Variants in DCN observed in about 807,000 individuals in gnomAD.
DCN encodes the protein bone proteoglycan II.
Under a neutral mutation model 36.5 loss-of-function variants are expected in DCN, and 17 were observed. That is an observed-to-expected ratio of 0.47 (90% CI 0.32 to 0.70). The LOEUF is 0.70. Among genes scored for constraint, DCN ranks in the 30% least tolerant of loss-of-function variants. The pLI, the probability that DCN is intolerant of heterozygous loss-of-function variation, is 0.04. For missense variants in DCN, 389 were observed against 430.1 expected (o/e 0.90, Z 0.84); for synonymous variants, 163 against 161.4 (o/e 1.01, Z -0.07).
At chr12:91,157,305 A>G (rs1881851057) in intron 4 of DCN, 117 bp from the exon 5 acceptor site, 3 of 763,850 alleles carry the variant, frequency 3.9e-6, no homozygotes, top group East Asian at 2.5e-5. Flanking sequence ...CAACTTGACT[A>G]AAAAACAAAA....
intron 6 of DCN, 27 bp downstream of exon 6, chr12:91,153,069 T>G (rs752178431): frequency 2.5e-6 from 3 of 1,204,044 alleles, no homozygotes; most frequent in African/African-American, 1.5e-5. Context: ...ATTGTTCTGA[T>G]AGAATGTCAT....
At position 91,180,454 on chromosome 12, in the gene DCN, G is replaced by T. The variant is rs368850300; in HGVS notation, c.-33-1869C>A. The T allele has an allele frequency of 3.9e-5, 6 of 152,160 alleles. No individual in the cohort carries two copies. In the East Asian group the frequency reaches 1.2e-3, roughly 29 times the overall value. 9.4% of individuals were successfully genotyped at this position (152,160 alleles called of 1,614,324 possible). A position where few individuals can be genotyped will look rare whatever the true frequency, so the allele number is the denominator to read the frequency against. On this transcript the variant is annotated intron_variant, in intron 1 of 7. Transcript: ENST00000052754. ...GATCTTTGTATGATCTAACCTTAAGGTATCTTCTGGGAATTTTTGCCTAGA... is the reference window on the plus strand; with the variant it reads ...GATCTTTGTATGATCTAACCTTAAGTTATCTTCTGGGAATTTTTGCCTAGA...
At position 91,146,185 on chromosome 12, in the gene DCN, T is replaced by G; in HGVS notation, c.953A>C (p.Asn318Thr). Reference protein sequence around the residue: ...GSSDFCPPGHNTKKASYSGVS... With the variant: ...GSSDFCPPGHTTKKASYSGVS... The stretch of plus-strand genomic sequence containing the variant: ...ACCCGAATAAGAAGCCTTTTTGGTG[T>G]TGTGTCCAGGTGGGCAGAAGTCACT... Residue 318 changes from asparagine to threonine, a missense_variant, in exon 8 of 8, where the codon AAC becomes ACC. Transcript: ENST00000052754. 1 of 1,613,712 alleles carries G rather than the reference T, an allele frequency of 6.2e-7. No individual in the cohort carries two copies. The highest frequency in any genetic ancestry group is 8.5e-7 in the Non-Finnish European group (1 of 1,179,748).
chr12:91,180,099 T>A (rs1418145849), intron 1 of DCN: 1 of 152,140 alleles, frequency 6.6e-6, no homozygotes, highest in Admixed American at 6.6e-5. Context: ...AAATATTTTT[T>A]AAATTGCATT....
Position 91,151,763 on chromosome 12 carries a change from G to A in DCN, c.776C>T (p.Ala259Val). 2 of 1,614,064 alleles carry A rather than the reference G, an allele frequency of 1.2e-6. No homozygotes were observed. The highest frequency in any genetic ancestry group is 2.2e-5 in the South Asian group (2 of 91,076). Residue 259 changes from alanine (A) to valine (V), a missense_variant, in exon 7 of 8, where the codon GCT becomes GTT. Physicochemically the swap from Ala to Val is moderately conservative, Grantham distance 64. Coordinates refer to ENST00000052754, the MANE Select transcript of DCN (RefSeq NM_001920.5). ...GTTGGCCAGAGAGCCATTGTCAACA[G>A]CAGAGATGCTGTTGAAACTCAATCC... ...KLGLSFNSIS[A>V]VDNGSLANTP...
chr12:91,174,626 T>A (rs186159254), intron 2 of DCN, among the ~76,000 whole-genome samples: 3 of 152,234 alleles, frequency 2.0e-5, no homozygotes, highest in Admixed American at 2.0e-4. Context: ...AAATAAGATA[T>A]ATTTCCATTT....
chr12:91,164,655 T>C lies in DCN; in HGVS notation c.274A>G (p.Lys92Glu), dbSNP rs1882422766. The C allele has an allele frequency of 6.2e-7, 1 of 1,613,484 alleles. No homozygotes were observed. Among genetic ancestry groups the C allele is most frequent in the Non-Finnish European group, 8.5e-7 (1 of 1,179,450 alleles). Residue 92 changes from lysine to glutamate, a missense_variant, in exon 3 of 8, where the codon AAA becomes GAA. Coordinates refer to ENST00000052754, the MANE Select transcript of DCN (RefSeq NM_001920.5). ...TCTCCATCTTTGATTTCGGTTATTTTGTTGTTTTGCAGGTCTAGCAGAGTT... is the reference window on the plus strand; with the variant it reads ...TCTCCATCTTTGATTTCGGTTATTTCGTTGTTTTGCAGGTCTAGCAGAGTT... ...DTTLLDLQNN[K>E]ITEIKDGDFK...
In DCN at chr12:91,157,158, C is replaced by T. The variant is rs777073492; in HGVS notation, c.569G>A (p.Gly190Glu). The change falls in exon 5 of 8, where the codon GGA (glycine) becomes GAA (glutamate). Residue 190 changes from glycine to glutamate, a missense_variant. Physicochemically the swap from Gly to Glu is moderately conservative, Grantham distance 98. Transcript: ENST00000052754. ...TCCCTGGAAAGCCCCATTTTCAATT[C>T]CTGAGCTCTTCAGCGGATTGGTGCC... is the stretch of plus-strand genomic sequence containing the variant. ...ELGTNPLKSS[G>E]IENGAFQGMK... 1 of 1,613,882 alleles carries T rather than the reference C, an allele frequency of 6.2e-7. No individual in the cohort carries two copies. The highest frequency in any genetic ancestry group is 1.7e-5 in the Admixed American group (1 of 60,022).
intron 6 of DCN, 104 bp from the exon 7 acceptor site, chr12:91,151,896 T>G: frequency 7.5e-7 from 1 of 1,327,788 alleles, no homozygotes; most frequent in Non-Finnish European, 1.1e-6. Context: ...TTTTTGTTTT[T>G]GCACTTACTC....
chr12:91,170,510 C>T (rs532272680), intron 2 of DCN, among the ~76,000 whole-genome samples: 48 of 152,280 alleles, frequency 3.2e-4, no homozygotes, highest in Non-Finnish European at 5.0e-4. Context: ...AAGTTCAGGG[C>T]TTTTGGATAA....
At chr12:91,168,535 A>G (rs1373429957) in intron 2 of DCN, among the ~76,000 whole-genome samples, 1 of 152,210 alleles carries the variant, frequency 6.6e-6, no homozygotes, top group Non-Finnish European at 1.5e-5. Context: ...TTTGAAAACA[A>G]GAAGTGCCTT....
chr12:91,154,921 T>C (rs1475356171), intron 5 of DCN, among the ~76,000 whole-genome samples: 1 of 152,094 alleles, frequency 6.6e-6, no homozygotes, highest in Non-Finnish European at 1.5e-5. Flanking sequence ...TACAACTAAA[T>C]GACTGAGTTA....
intron 7 of DCN, 98 bp from the exon 8 acceptor site, chr12:91,146,350 ACTT>A: frequency 2.0e-5 from 10 of 508,086 alleles, no homozygotes; most frequent in Admixed American, 4.1e-5. Context: ...TTAATCCTTC[ACTT>A]TTTTTTTTTT....
At chr12:91,146,985 CT>C (rs1221207814) in intron 7 of DCN, among the ~76,000 whole-genome samples, 2 of 152,172 alleles carry the variant, frequency 1.3e-5, no homozygotes, top group African/African-American at 4.8e-5. Flanking sequence ...CCTGCTTCCC[CT>C]TTTGCCTTCC....
chr12:91,181,212 G>A (rs1868384540), intron 1 of DCN, among the ~76,000 whole-genome samples: 1 of 151,788 alleles, frequency 6.6e-6, no homozygotes, highest in African/African-American at 2.4e-5. Context: ...GTGTATGTGT[G>A]TGTGTGCATT....
chr12:91,165,520 A>G (rs992809851), intron 2 of DCN, among the ~76,000 whole-genome samples: 1 of 152,172 alleles, frequency 6.6e-6, no homozygotes, highest in African/African-American at 2.4e-5. Context: ...AGCTAGTCAT[A>G]TAAGGATGAA....
chr12:91,158,091 C>T (rs1157812302), intron 4 of DCN, among the ~76,000 whole-genome samples: 1 of 152,134 alleles, frequency 6.6e-6, no homozygotes, highest in Non-Finnish European at 1.5e-5. Flanking sequence ...TCTCCATATT[C>T]TCAGATACTC....
chr12:91,172,147 T>C (rs1882999434), intron 2 of DCN: 1 of 142,428 alleles, frequency 7.0e-6, no homozygotes. Flanking sequence ...AGAAATAGAC[T>C]TCTTTTTTTT....
At chr12:91,152,887 T>C (rs1216371065) in intron 6 of DCN, among the ~76,000 whole-genome samples, 1 of 152,140 alleles carries the variant, frequency 6.6e-6, no homozygotes, top group Non-Finnish European at 1.5e-5. Context: ...AATATGAAGC[T>C]GATCTTGGTG....
Sources: allele counts gnomAD v4.1 joint callset (sites outside exome capture counted in the v4.1 genomes callset), GRCh38; gene constraint gnomAD v4.1.1; transcripts MANE v1.5; gene names NCBI Gene and HGNC (gene_info 2026-07-23, HGNC 2026-07-21).